The following AUTS2 variants were observed in gnomAD, a reference collection of about 807,000 sequenced individuals.
AUTS2 encodes the protein activator of transcription and developmental regulator AUTS2.
In AUTS2, 17 loss-of-function variants were observed where a neutral mutation model predicts 112.4. That is an observed-to-expected ratio of 0.15 (90% CI 0.10 to 0.23). AUTS2 has a LOEUF of 0.23. Ranked by LOEUF, AUTS2 falls within the 10% of genes least tolerant of loss-of-function variation. AUTS2 has a pLI of 1.00. For missense variants in AUTS2, 1,510 were observed against 1,701.6 expected, an observed-to-expected ratio of 0.89 and a Z score of 1.98; for synonymous variants, 751 against 702.7, an observed-to-expected ratio of 1.07 and a Z score of -1.09.
At chr7:70,096,599 T>TAAAA (rs374942971) in intron 2 of AUTS2, among the ~76,000 whole-genome samples, 2 of 84,702 alleles carry the variant, frequency 2.4e-5, no homozygotes, top group African/African-American at 8.9e-5. Flanking sequence ...AACTCCATCT[T>TAAAA]AAAAAAAAAA....
chr7:70,683,991 C>G (rs893534906), intron 5 of AUTS2, among the ~76,000 whole-genome samples: 2 of 152,168 alleles, frequency 1.3e-5, no homozygotes, highest in South Asian at 4.1e-4. Flanking sequence ...TAAGGGAATT[C>G]TACGACATTC....
intron 4 of AUTS2, among the ~76,000 whole-genome samples, chr7:70,361,347 G>C (rs1792256728): frequency 6.6e-6 from 1 of 151,904 alleles, no homozygotes; most frequent in Non-Finnish European, 1.5e-5. Flanking sequence ...AAAAAAAATC[G>C]ATTCTTGGAA....
intron 4 of AUTS2, among the ~76,000 whole-genome samples, chr7:70,165,421 A>G (rs1279615912): frequency 6.6e-6 from 1 of 152,224 alleles, no homozygotes; most frequent in Non-Finnish European, 1.5e-5. Flanking sequence ...AAAAATAAAT[A>G]TTCATGCAGA....
intron 5 of AUTS2, among the ~76,000 whole-genome samples, chr7:70,461,769 T>G (rs1252223810): frequency 1.3e-5 from 2 of 151,946 alleles, no homozygotes; most frequent in Non-Finnish European, 2.9e-5. Context: ...CCTTCCCAGG[T>G]GAGGAGTTGC....
chr7:70,045,613 TTTTA>T (rs1173532172), intron 2 of AUTS2, among the ~76,000 whole-genome samples: 1 of 150,916 alleles, frequency 6.6e-6, no homozygotes, highest in Non-Finnish European at 1.5e-5. Context: ...TTTTATTTTA[TTTTA>T]TTTATTTTCA....
chr7:70,610,368 C>G (rs1158083330), intron 5 of AUTS2, among the ~76,000 whole-genome samples: 1 of 151,344 alleles, frequency 6.6e-6, no homozygotes, highest in Non-Finnish European at 1.5e-5. Flanking sequence ...AAATTCCCAC[C>G]AACAGCATGT....
At chr7:69,904,626 T>G (rs1795086422) in intron 2 of AUTS2, among the ~76,000 whole-genome samples, 1 of 152,234 alleles carries the variant, frequency 6.6e-6, no homozygotes, top group Non-Finnish European at 1.5e-5. Context: ...ATTAAGAATG[T>G]CAGTTAAACC....
chr7:69,936,932 C>A (rs927543379), intron 2 of AUTS2, among the ~76,000 whole-genome samples: 1 of 151,882 alleles, frequency 6.6e-6, no homozygotes, highest in Non-Finnish European at 1.5e-5. Flanking sequence ...TTCCCTTTAC[C>A]CTCTTCTCTT....
At chr7:70,429,942 C>T (rs576803281) in intron 4 of AUTS2, among the ~76,000 whole-genome samples, 1 of 151,878 alleles carries the variant, frequency 6.6e-6, no homozygotes, top group East Asian at 1.9e-4. Context: ...TGTGAAGGGT[C>T]TTCATAGGCC....
chr7:70,601,275 T>A (rs1803459779), intron 5 of AUTS2, among the ~76,000 whole-genome samples: 1 of 152,248 alleles, frequency 6.6e-6, no homozygotes, highest in Non-Finnish European at 1.5e-5. Context: ...TGACTAATGA[T>A]GTTGAACATA....
intron 1 of AUTS2, among the ~76,000 whole-genome samples, chr7:69,892,086 T>A (rs1794550337): frequency 6.6e-6 from 1 of 151,800 alleles, no homozygotes; most frequent in Non-Finnish European, 1.5e-5. Context: ...CTGCCACACC[T>A]GGCCCCAGAT....
intron 1 of AUTS2, among the ~76,000 whole-genome samples, chr7:69,628,017 G>T (rs566529458): frequency 6.6e-6 from 1 of 152,248 alleles, no homozygotes; most frequent in South Asian, 2.1e-4. Flanking sequence ...GATGTTTCAG[G>T]CATTTCTTGT....
chr7:69,825,864 A>G (rs2129526895), intron 1 of AUTS2: 1 of 152,348 alleles, frequency 6.6e-6, no homozygotes, highest in Admixed American at 6.5e-5. Flanking sequence ...TGTGTGCAAC[A>G]TAAATTGTCA....
intron 1 of AUTS2, among the ~76,000 whole-genome samples, chr7:69,667,355 T>C (rs11765634): frequency 4.3e-5 from 2 of 46,296 alleles, no homozygotes; most frequent in South Asian, 1.4e-3. Flanking sequence ...GTTGTGTTTT[T>C]TTTTTTTTTT....
chr7:70,533,988 TGGC>T (rs1800203810), intron 5 of AUTS2, among the ~76,000 whole-genome samples: 1 of 152,202 alleles, frequency 6.6e-6, no homozygotes, highest in South Asian at 2.1e-4. Context: ...GAGTAGTGAA[TGGC>T]AATGAGTAAT....
chr7:70,079,175 A>G (rs550034821), intron 2 of AUTS2, among the ~76,000 whole-genome samples: 1 of 152,200 alleles, frequency 6.6e-6, no homozygotes, highest in South Asian at 2.1e-4. Flanking sequence ...GAACCCAAAT[A>G]CCATCTGCCA....
chr7:70,489,013 C>A (rs1308267273), intron 5 of AUTS2, among the ~76,000 whole-genome samples: 2 of 152,122 alleles, frequency 1.3e-5, no homozygotes, highest in Non-Finnish European at 2.9e-5. Context: ...CAGTCCTGTT[C>A]AGCAAAATTT....
At chr7:69,961,828 A>T (rs1362837114) in intron 2 of AUTS2, among the ~76,000 whole-genome samples, 1 of 152,158 alleles carries the variant, frequency 6.6e-6, no homozygotes, top group East Asian at 1.9e-4. Context: ...ATTTAATCTT[A>T]AGCAGGTGAA....
intron 1 of AUTS2, among the ~76,000 whole-genome samples, chr7:69,777,698 GT>G (rs891825512): frequency 4.6e-5 from 7 of 152,086 alleles, no homozygotes; most frequent in Admixed American, 3.9e-4. Context: ...ATGATTTTTT[GT>G]TTTTTCCCTT....
Sources: allele counts gnomAD v4.1 joint callset (sites outside exome capture counted in the v4.1 genomes callset), GRCh38; gene constraint gnomAD v4.1.1; transcripts MANE v1.5; gene names NCBI Gene and HGNC (gene_info 2026-07-23, HGNC 2026-07-21).